The following SUMF1 variants were observed in gnomAD, a reference collection of about 807,000 sequenced individuals.
SUMF1 encodes formylglycine-generating enzyme.
In SUMF1, 48 loss-of-function variants were observed where a neutral mutation model predicts 47.6. The observed-to-expected ratio is 1.01, with a 90% CI of 0.80 to 1.28. SUMF1 has a LOEUF of 1.28. SUMF1 is among the 50% of genes most tolerant of loss of function. SUMF1 has a pLI of 0.00. For synonymous variants in SUMF1, 230 were observed against 192.1 expected, an observed-to-expected ratio of 1.20 and a Z score of -1.63; for missense variants, 571 against 485.4, an observed-to-expected ratio of 1.18 and a Z score of -1.66.
intron 8 of SUMF1, among the ~76,000 whole-genome samples, chr3:4,371,336 G>C (rs1252107987): frequency 6.6e-6 from 1 of 152,146 alleles, no homozygotes; most frequent in Non-Finnish European, 1.5e-5. Context: ...TGATCTCCAT[G>C]TCTGTGCTAA....
chr3:4,215,913 A>T (rs1695912709), intron 8 of SUMF1, among the ~76,000 whole-genome samples: 1 of 152,198 alleles, frequency 6.6e-6, no homozygotes, highest in African/African-American at 2.4e-5. Context: ...ATGGAAAAAC[A>T]TTCCATGCTC....
intron 8 of SUMF1, among the ~76,000 whole-genome samples, chr3:4,261,070 A>T (rs1343042922): frequency 6.6e-6 from 1 of 152,182 alleles, no homozygotes; most frequent in Non-Finnish European, 1.5e-5. Flanking sequence ...TACTCACCCT[A>T]GTTTGACACT....
chr3:4,082,154 T>C (rs566197980), intron 8 of SUMF1, among the ~76,000 whole-genome samples: 1 of 152,264 alleles, frequency 6.6e-6, no homozygotes, highest in South Asian at 2.1e-4. Flanking sequence ...TTAAAACTTT[T>C]TATGTCTGAA....
At chr3:4,200,376 C>T (rs1171383961) in intron 8 of SUMF1, among the ~76,000 whole-genome samples, 1 of 151,960 alleles carries the variant, frequency 6.6e-6, no homozygotes, top group African/African-American at 2.4e-5. Flanking sequence ...GCACTCCCCA[C>T]TCTGCTGGGA....
intron 8 of SUMF1, 126 bp downstream of exon 8, chr3:4,376,204 T>A: frequency 8.8e-7 from 1 of 1,140,348 alleles, no homozygotes; most frequent in Non-Finnish European, 1.3e-6. Flanking sequence ...CCTTTTTTTC[T>A]GGTTTCAGTG....
intron 7 of SUMF1, among the ~76,000 whole-genome samples, chr3:4,407,960 G>A (rs1418944330): frequency 1.3e-5 from 2 of 152,192 alleles, no homozygotes; most frequent in Non-Finnish European, 2.9e-5. Context: ...AGGGACTGAA[G>A]CTCTGCTTCA....
intron 8 of SUMF1, among the ~76,000 whole-genome samples, chr3:4,096,237 C>G (rs919200831): frequency 2.6e-5 from 4 of 152,106 alleles, no homozygotes; most frequent in Non-Finnish European, 2.9e-5. Flanking sequence ...CTCAGTCGGT[C>G]ATCATGCCTG....
downstream of SUMF1, among the ~76,000 whole-genome samples, chr3:4,358,945 G>C (rs1312331340): frequency 6.6e-6 from 1 of 151,448 alleles, no homozygotes; most frequent in Non-Finnish European, 1.5e-5. Context: ...AGTGGAGATT[G>C]AATTAGGCTA....
intron 8 of SUMF1, among the ~76,000 whole-genome samples, chr3:4,069,248 G>T (rs1474256090): frequency 6.6e-6 from 1 of 152,188 alleles, no homozygotes; most frequent in Non-Finnish European, 1.5e-5. Flanking sequence ...TGGGGGCAGT[G>T]ATCCGTGTAG....
rs1032397650 is a variant in SUMF1, at chr3:4,104,906, T to G, written c.1015-36161A>C. On this transcript the variant is annotated intron_variant and NMD_transcript_variant, in intron 8 of 12. Coordinates refer to the SUMF1 transcript ENST00000448413. ...ATTCAAAGGGATTGAAATCAGTATGTTGAAGAGATACCTACATTCCCATGT... is the reference window on the plus strand; with the variant it reads ...ATTCAAAGGGATTGAAATCAGTATGGTGAAGAGATACCTACATTCCCATGT... Among the ~76,000 whole-genome samples the G allele has an allele frequency of 2.6e-5, 4 of 152,108 alleles. 1 individual carries two copies. The highest frequency in any genetic ancestry group is 5.9e-5 in the Non-Finnish European group (4 of 68,048).
At chr3:4,449,177 G>C in intron 3 of SUMF1, 89 bp downstream of exon 3, 1 of 1,359,344 alleles carries the variant, frequency 7.4e-7, no homozygotes, top group East Asian at 2.3e-5. Flanking sequence ...ACAGGGAGAG[G>C]AAGGTGACAC....
chr3:4,339,230 A>C (rs978364299), intron 8 of SUMF1, among the ~76,000 whole-genome samples: 2 of 151,872 alleles, frequency 1.3e-5, no homozygotes, highest in African/African-American at 4.8e-5. Flanking sequence ...CCCTCCCTTC[A>C]TCACTGATTG....
chr3:4,366,634 T>C (rs1313762028), intron 8 of SUMF1, among the ~76,000 whole-genome samples: 2 of 151,804 alleles, frequency 1.3e-5, no homozygotes, highest in Non-Finnish European at 2.9e-5. Flanking sequence ...TTTTTCAAAG[T>C]TTTTAACTTC....
chr3:4,467,021 G>T lies in SUMF1; in HGVS notation c.225C>A (p.Asn75Lys). The change falls in exon 1 of 9, where the codon AAC becomes AAA. Residue 75 changes from asparagine to lysine, a missense_variant. By Grantham distance (94) the Asn-to-Lys change is moderately conservative. Transcript: ENST00000272902. ...AAAHRYSREA[N>K]APGPVPGERQ... is the part of the protein sequence containing the mutation. The stretch of plus-strand genomic sequence containing the variant: ...GCTCTCCGGGTACGGGGCCCGGAGC[G>T]TTAGCCTCCCGCGAGTATCGGTGAG... 1 of 1,589,958 alleles carries T rather than the reference G, an allele frequency of 6.3e-7. No individual in the cohort carries two copies. Among genetic ancestry groups the T allele is most frequent in the Middle Eastern group, 2.1e-4 (1 of 4,858 alleles).
intron 8 of SUMF1, among the ~76,000 whole-genome samples, chr3:4,149,147 A>T (rs1694260582): frequency 6.6e-6 from 1 of 152,098 alleles, no homozygotes; most frequent in Non-Finnish European, 1.5e-5. Flanking sequence ...TTTGCCCTAC[A>T]GAGAGGTGTT....
intron 8 of SUMF1, among the ~76,000 whole-genome samples, chr3:4,136,119 A>G (rs1188546773): frequency 1.3e-5 from 2 of 152,140 alleles, no homozygotes; most frequent in African/African-American, 4.8e-5. Flanking sequence ...GAATTGGAAA[A>G]AACTACTTTA....
At chr3:4,246,665 G>T (rs1008623392) in intron 8 of SUMF1, among the ~76,000 whole-genome samples, 1 of 152,274 alleles carries the variant, frequency 6.6e-6, no homozygotes, top group Middle Eastern at 3.4e-3. Flanking sequence ...ATCCCAAAGT[G>T]CTGGGATTAC....
chr3:4,442,935 T>C (rs866968851), intron 3 of SUMF1, among the ~76,000 whole-genome samples: 4 of 149,796 alleles, frequency 2.7e-5, no homozygotes, highest in African/African-American at 9.9e-5. Flanking sequence ...ACAAATGCAG[T>C]CAGGAAGAAA....
intron 8 of SUMF1, among the ~76,000 whole-genome samples, chr3:4,301,442 G>A (rs1359041134): frequency 6.6e-6 from 1 of 152,208 alleles, no homozygotes; most frequent in Non-Finnish European, 1.5e-5. Context: ...ATAATAACTG[G>A]ACAAGGATCT....
Sources: allele counts gnomAD v4.1 joint callset (sites outside exome capture counted in the v4.1 genomes callset), GRCh38; gene constraint gnomAD v4.1.1; transcripts MANE v1.5; gene names NCBI Gene and HGNC (gene_info 2026-07-23, HGNC 2026-07-21).